The following NAALADL2 variants were observed in gnomAD, a reference collection of about 807,000 sequenced individuals.
NAALADL2 encodes N-acetylated alpha-linked acidic dipeptidase like 2, also known as inactive N-acetylated-alpha-linked acidic dipeptidase-like protein 2.
A neutral mutation model predicts 87.2 loss-of-function variants in NAALADL2; 76 were observed. That is an observed-to-expected ratio of 0.87 (90% CI 0.72 to 1.05). NAALADL2 has a LOEUF of 1.05. Ranked by LOEUF, NAALADL2 falls within the 50% of genes least tolerant of loss-of-function variation. The pLI is 0.00. For missense variants in NAALADL2, 1,089 were observed against 945.8 expected (o/e 1.15, Z -1.99); for synonymous variants, 354 against 331.0 (o/e 1.07, Z -0.75).
At chr3:175,742,522 C>G (rs1019573739) in intron 12 of NAALADL2, among the ~76,000 whole-genome samples, 2 of 148,790 alleles carry the variant, frequency 1.3e-5, no homozygotes, top group Non-Finnish European at 3.0e-5. Flanking sequence ...CTCAGCCTCC[C>G]GAGTAGCTGG....
chr3:174,539,564 A>G (rs150535004), intron 1 of NAALADL2, among the ~76,000 whole-genome samples: 21 of 152,220 alleles, frequency 1.4e-4, no homozygotes, highest in African/African-American at 5.1e-4. Context: ...TTTCTTTAAA[A>G]TGTGCTATCT....
At chr3:174,888,569 C>T (rs1188988390) in intron 1 of NAALADL2, among the ~76,000 whole-genome samples, 1 of 152,160 alleles carries the variant, frequency 6.6e-6, no homozygotes, top group African/African-American at 2.4e-5. Flanking sequence ...GATGGCTTTG[C>T]TTACGTTAGA....
intron 2 of NAALADL2, among the ~76,000 whole-genome samples, chr3:174,567,594 A>G (rs1040624602): frequency 2.0e-5 from 3 of 151,664 alleles, no homozygotes; most frequent in Non-Finnish European, 4.4e-5. Flanking sequence ...AAATTTTATG[A>G]TAGTATCAGA....
At chr3:175,372,218 T>C (rs1766595584) in intron 5 of NAALADL2, among the ~76,000 whole-genome samples, 1 of 152,202 alleles carries the variant, frequency 6.6e-6, no homozygotes, top group Admixed American at 6.5e-5. Context: ...ATTCAGTTTT[T>C]GTAAAGCTCC....
chr3:175,652,654 A>AT (rs1474444118), intron 11 of NAALADL2, among the ~76,000 whole-genome samples: 2 of 151,520 alleles, frequency 1.3e-5, no homozygotes, highest in African/African-American at 4.9e-5. Flanking sequence ...AATTTTTTGT[A>AT]TTTTTAGTAG....
At chr3:174,790,656 A>T (rs1025343356) in intron 3 of NAALADL2, among the ~76,000 whole-genome samples, 1 of 152,144 alleles carries the variant, frequency 6.6e-6, no homozygotes, top group Non-Finnish European at 1.5e-5. Flanking sequence ...CTCAAAAAAA[A>T]AAAAATGTGC....
At chr3:175,668,575 A>G (rs1733524853) in intron 11 of NAALADL2, among the ~76,000 whole-genome samples, 1 of 152,124 alleles carries the variant, frequency 6.6e-6, no homozygotes, top group Non-Finnish European at 1.5e-5. Context: ...AAAGAAAACT[A>G]CACTTAAAGC....
At chr3:175,195,517 A>G (rs1010300124) in intron 2 of NAALADL2, among the ~76,000 whole-genome samples, 2 of 151,878 alleles carry the variant, frequency 1.3e-5, no homozygotes, top group Non-Finnish European at 2.9e-5. Flanking sequence ...GGAGGGCATG[A>G]GCCATGGGAA....
chr3:175,236,244 G>C (rs759502254), intron 3 of NAALADL2, among the ~76,000 whole-genome samples: 1 of 152,012 alleles, frequency 6.6e-6, no homozygotes, highest in Non-Finnish European at 1.5e-5. Context: ...AATACTGGCC[G>C]GGCACTGTGG....
chr3:175,157,186 C>T (rs1732446924), intron 2 of NAALADL2, among the ~76,000 whole-genome samples: 1 of 152,024 alleles, frequency 6.6e-6, no homozygotes, highest in Non-Finnish European at 1.5e-5. Context: ...TTGGAACTGT[C>T]TACCTCCAGT....
chr3:174,833,480 A>G (rs576105446), intron 3 of NAALADL2, among the ~76,000 whole-genome samples: 4 of 152,284 alleles, frequency 2.6e-5, no homozygotes, highest in African/African-American at 4.8e-5. Context: ...TCATACATTT[A>G]AGGATGAAAT....
At chr3:174,651,702 A>G (rs1015814210) in intron 2 of NAALADL2, among the ~76,000 whole-genome samples, 17 of 152,170 alleles carry the variant, frequency 1.1e-4, no homozygotes, top group Admixed American at 1.0e-3. Flanking sequence ...GCTTTTCTCT[A>G]AAGTTAAGGT....
At chr3:174,712,676 G>A (rs575438124) in intron 2 of NAALADL2, among the ~76,000 whole-genome samples, 68 of 152,016 alleles carry the variant, frequency 4.5e-4, no homozygotes, top group Admixed American at 1.2e-3. Context: ...GTCAGCTACC[G>A]CGCTCGGCCT....
At chr3:174,910,043 A>G (rs924957354) in intron 1 of NAALADL2, among the ~76,000 whole-genome samples, 13 of 152,154 alleles carry the variant, frequency 8.5e-5, no homozygotes, top group Non-Finnish European at 2.9e-5. Flanking sequence ...GCTTTCTGCA[A>G]TACTGTAGCA....
intron 5 of NAALADL2, among the ~76,000 whole-genome samples, chr3:175,424,617 A>G (rs1716465945): frequency 1.3e-5 from 2 of 151,974 alleles, no homozygotes; most frequent in Admixed American, 1.3e-4. Flanking sequence ...GTTCTGTTCT[A>G]TATCTGTTCT....
At chr3:175,672,604 A>C (rs1056153598) in intron 11 of NAALADL2, among the ~76,000 whole-genome samples, 3 of 152,186 alleles carry the variant, frequency 2.0e-5, no homozygotes, top group African/African-American at 4.8e-5. Flanking sequence ...GCAATAGAAG[A>C]AGCAGCCAGT....
At chr3:174,505,553 T>G (rs1277358323) in intron 1 of NAALADL2, among the ~76,000 whole-genome samples, 3 of 132,144 alleles carry the variant, frequency 2.3e-5, no homozygotes, top group African/African-American at 8.5e-5. Context: ...GAAATGAAAC[T>G]TAAAGTCTGT....
rs868671927 is a variant in NAALADL2 at position 174,859,455 on chromosome 3, G to C, written c.43+5G>C. On this transcript the variant is annotated splice_donor_5th_base_variant and intron_variant, in intron 1 of 13. Transcript: ENST00000454872. ...TACCTAACACGTCTTTGCAAGGTAA[G>C]TACCAACAGCCTATGAACTTTTCAC... 6.2e-7 allele frequency: 1 copy of C among 1,608,002 alleles called. No homozygotes were observed. The highest frequency in any genetic ancestry group is 1.3e-5 in the African/African-American group (1 of 74,918).
chr3:175,087,237 T>TG (rs1369968609), intron 1 of NAALADL2, among the ~76,000 whole-genome samples: 1 of 152,024 alleles, frequency 6.6e-6, no homozygotes, highest in Non-Finnish European at 1.5e-5. Context: ...TTGAGGAAGG[T>TG]GGGGGGCAGC....
Sources: gnomAD v4.1 joint callset for allele counts (sites outside exome capture counted in the v4.1 genomes callset) on GRCh38, gnomAD v4.1.1 for gene constraint, MANE v1.5 for transcripts, NCBI Gene and HGNC (gene_info 2026-07-23, HGNC 2026-07-21) for gene names.